The following PCDHA8 variants were observed in gnomAD, a reference collection of about 807,000 sequenced individuals.
The protein encoded by PCDHA8 is protocadherin alpha 8.
A neutral mutation model predicts 61.8 loss-of-function variants in PCDHA8; 53 were observed. The observed-to-expected ratio is 0.86, with a 90% CI of 0.69 to 1.08. PCDHA8 has a LOEUF of 1.08. PCDHA8 is among the 50% of genes least tolerant of loss of function. The pLI, the probability that PCDHA8 is intolerant of heterozygous loss-of-function variation, is 0.00. For missense variants in PCDHA8, 1,293 were observed against 1,245.0 expected (o/e 1.04, Z -0.58); for synonymous variants, 618 against 556.6 (o/e 1.11, Z -1.55).
chr5:140,891,885 C>T (rs546305739), intron 1 of PCDHA8, among the ~76,000 whole-genome samples: 22 of 152,288 alleles, frequency 1.4e-4, no homozygotes, highest in African/African-American at 2.2e-4. Context: ...TGTCATGTGA[C>T]GATGCAGCAA....
rs141258804 is a variant in PCDHA8, at chr5:140,857,118, C to T, written c.2394+13403C>T. ...GTGATTGTCACTTCTCTGTCTCTCC[C>T]AGTGAAAGAAGATGCTCAAGTGGGC... On this transcript the variant is annotated intron_variant, in intron 1 of 3. Transcript: ENST00000531613. 2.7e-5 allele frequency: 43 copies of T among 1,597,878 alleles called. 6 individuals are homozygous for T. Among genetic ancestry groups the T allele is most frequent in the Non-Finnish European group, 3.3e-5 (38 of 1,167,604 alleles).
chr5:140,867,681 A>G (rs759356211), intron 1 of PCDHA8: 2 of 152,096 alleles, frequency 1.3e-5, no homozygotes, highest in African/African-American at 2.4e-5. Flanking sequence ...ATTTTGTTGC[A>G]TCTTCTTTTT....
chr5:140,870,608 C>A (rs1408684171), intron 1 of PCDHA8: 1 of 1,613,106 alleles, frequency 6.2e-7, no homozygotes, highest in African/African-American at 1.3e-5. Flanking sequence ...GGCGACCGCG[C>A]GCTGTCGAGC....
chr5:140,915,626 G>GTCCC (rs1554196996), intron 1 of PCDHA8, among the ~76,000 whole-genome samples: 2 of 146,436 alleles, frequency 1.4e-5, no homozygotes, highest in Non-Finnish European at 3.0e-5. Flanking sequence ...GTCTCTTTCT[G>GTCCC]TCTCTCTCTC....
At chr5:140,860,192 C>CATATATATAT (rs143984774) in intron 1 of PCDHA8, 4 of 146,816 alleles carry the variant, frequency 2.7e-5, no homozygotes, top group African/African-American at 7.5e-5. Context: ...GCTCTCCTTA[C>CATATATATAT]ATATATATCT....
At chr5:140,993,032 G>A (rs1356944264) in intron 3 of PCDHA8, among the ~76,000 whole-genome samples, 2 of 152,286 alleles carry the variant, frequency 1.3e-5, no homozygotes, top group South Asian at 2.1e-4. Flanking sequence ...TGTGGGCTCC[G>A]TGTGTCATCA....
chr5:140,870,478 T>C (rs782114058), intron 1 of PCDHA8: 1 of 1,614,112 alleles, frequency 6.2e-7, no homozygotes, highest in Admixed American at 1.7e-5. Flanking sequence ...ACAGCCCGAG[T>C]ACACCGTGTT....
At chr5:140,867,584 T>G (rs1386448666) in intron 1 of PCDHA8, 4 of 152,130 alleles carry the variant, frequency 2.6e-5, no homozygotes, top group Non-Finnish European at 5.9e-5. Context: ...CTTGCAGTAT[T>G]TTTAGATTGG....
rs1237282908 is a variant in PCDHA8, at chr5:140,877,400, C to T, written c.2394+33685C>T. ...CGCATCCTGGATGAGGCGGACGCTC[C>T]GCGCCACCGCCTGCTGGTGCTGGTG... On this transcript the variant is annotated intron_variant, in intron 1 of 3. Coordinates refer to ENST00000531613, the MANE Select transcript of PCDHA8 (RefSeq NM_018911.3). The T allele has an allele frequency of 7.4e-6, 12 of 1,613,804 alleles. No homozygotes were observed. The Admixed American group carries it at 1.8e-4, about 25-fold the overall frequency.
intron 1 of PCDHA8, among the ~76,000 whole-genome samples, chr5:140,978,222 G>C (rs997273847): frequency 6.6e-6 from 1 of 152,180 alleles, no homozygotes; most frequent in South Asian, 2.1e-4. Flanking sequence ...AATGTATCAG[G>C]TTTTTCTTGG....
At chr5:140,928,076 A>G (rs2084914697) in intron 1 of PCDHA8, 1 of 1,614,142 alleles carries the variant, frequency 6.2e-7, no homozygotes. Context: ...GACAACTACT[A>G]CAGCCTGCTG....
chr5:140,869,943 C>T (rs781893563), intron 1 of PCDHA8: 10 of 1,612,248 alleles, frequency 6.2e-6, no homozygotes, highest in Non-Finnish European at 7.6e-6. Context: ...TAACATACTC[C>T]TTAATGTCAA....
At chr5:140,931,884 T>A (rs1554208638) in intron 1 of PCDHA8, among the ~76,000 whole-genome samples, 1 of 151,972 alleles carries the variant, frequency 6.6e-6, no homozygotes, top group Non-Finnish European at 1.5e-5. Flanking sequence ...ATTGCTTTCA[T>A]TTTATTTCAA....
chr5:140,868,477 A>T (rs1165630673), intron 1 of PCDHA8: 1 of 152,380 alleles, frequency 6.6e-6, no homozygotes, highest in Non-Finnish European at 1.5e-5. Flanking sequence ...ATAAAACTTC[A>T]ATTTTTTCTT....
chr5:140,866,519 A>G (rs940195026), intron 1 of PCDHA8: 8 of 152,312 alleles, frequency 5.3e-5, no homozygotes, highest in African/African-American at 1.9e-4. Context: ...TGACTAAGCC[A>G]TGATAGAGCA....
At chr5:140,878,731 A>G (rs1037542413) in intron 1 of PCDHA8, among the ~76,000 whole-genome samples, 3 of 152,370 alleles carry the variant, frequency 2.0e-5, no homozygotes, top group South Asian at 4.1e-4. Flanking sequence ...TTCCAGCCTT[A>G]TATCTACTTT....
At chr5:140,982,628 G>A (rs2096992254) in intron 3 of PCDHA8, 65 bp downstream of exon 3, 1 of 1,578,000 alleles carries the variant, frequency 6.3e-7, no homozygotes, top group African/African-American at 1.4e-5. Flanking sequence ...ACCTACTTTT[G>A]TAAGATCAGG....
intron 2 of PCDHA8, among the ~76,000 whole-genome samples, chr5:140,979,642 A>G (rs1364696351): frequency 2.0e-5 from 3 of 152,188 alleles, no homozygotes; most frequent in South Asian, 2.1e-4. Flanking sequence ...ATTAAATATA[A>G]TTTTGCTTTC....
intron 1 of PCDHA8, among the ~76,000 whole-genome samples, chr5:140,873,027 A>C (rs2054049034): frequency 6.6e-6 from 1 of 152,184 alleles, no homozygotes; most frequent in South Asian, 2.1e-4. Flanking sequence ...TATTCTTACT[A>C]CACGTAGAGT....
Sources: allele counts gnomAD v4.1 joint callset (sites outside exome capture counted in the v4.1 genomes callset), GRCh38; gene constraint gnomAD v4.1.1; transcripts MANE v1.5; gene names NCBI Gene and HGNC (gene_info 2026-07-23, HGNC 2026-07-21).